Variants in TNFRSF1A observed in about 807,000 individuals in gnomAD.
The protein encoded by TNFRSF1A is tumor necrosis factor receptor superfamily member 1A.
Under a neutral mutation model 41.6 loss-of-function variants are expected in TNFRSF1A, and 9 were observed. The observed-to-expected ratio is 0.22, with a 90% CI of 0.13 to 0.38. The LOEUF (loss-of-function observed/expected upper bound fraction) is 0.38. Ranked by LOEUF, TNFRSF1A falls within the 10% of genes least tolerant of loss-of-function variation. TNFRSF1A has a pLI of 1.00. For synonymous variants in TNFRSF1A, 254 were observed against 248.6 expected, an observed-to-expected ratio of 1.02 and a Z score of -0.21; for missense variants, 463 against 591.5, an observed-to-expected ratio of 0.78 and a Z score of 2.25.
chr12:6,329,875 C>T lies in TNFRSF1A; in HGVS notation c.960G>A (p.Gly320=), dbSNP rs868081847. The change falls in exon 9 of 10, where the codon GGG becomes GGA. Residue 320 remains glycine (G), a synonymous_variant. Transcript: ENST00000162749. ...PRREVAPPYQ[G]ADPILATALA... ...GGGCTGTCGCAAGGATGGGGTCAGC[C>T]CCCTGATAGGGTGGTGCCACCTCTC... 7.5e-6 allele frequency: 12 copies of T among 1,592,328 alleles called. No individual in the cohort carries two copies. The highest frequency in any genetic ancestry group is 3.4e-4 in the Middle Eastern group (2 of 5,820).
chr12:6,333,144 T>C lies in TNFRSF1A; in HGVS notation c.476A>G (p.Gln159Arg). Reference protein sequence around the residue: ...CLNGTVHLSCQEKQNTVCTCH... With the variant: ...CLNGTVHLSCREKQNTVCTCH... ...GGTGCACACGGTGTTCTGTTTCTCC[T>C]GGCCTGTAGGGAGAAGTGCGGCACA... is the stretch of plus-strand genomic sequence containing the variant. Residue 159 changes from glutamine (Q) to arginine (R), a missense_variant, in exon 5 of 10, where the codon CAG (glutamine) becomes CGG (arginine). Physicochemically the swap from Gln to Arg is conservative, Grantham distance 43 (BLOSUM62 1). Around this residue, in one of 4 missense-constraint regions of TNFRSF1A, gnomAD observed 149 missense variants for 239.4 expected, o/e 0.62. Transcript: ENST00000162749. This position sits in a 1 kb window ranked among gnomAD's most constrained non-coding sequence, Gnocchi z 6.3. 1 of 1,614,134 alleles carries C rather than the reference T, an allele frequency of 6.2e-7. No individual in the cohort carries two copies. The highest frequency in any genetic ancestry group is 8.5e-7 in the Non-Finnish European group (1 of 1,179,948).
intron 1 of TNFRSF1A, among the ~76,000 whole-genome samples, chr12:6,336,707 C>T (rs1948124818): frequency 6.6e-6 from 1 of 151,996 alleles, no homozygotes; most frequent in Admixed American, 6.5e-5. Flanking sequence ...CTCCTAGCCC[C>T]TCAGCGGCCT....
chr12:6,342,069 G>C lies in TNFRSF1A; in HGVS notation c.-255C>G. ...AGAGGAGGGGAGAGAAGGTGGGAGG[G>C]GAAGAGTGAGGCAGTGTTGCAACAG... On this transcript the variant is annotated 5_prime_UTR_variant, in exon 1 of 10. Coordinates refer to ENST00000162749, the MANE Select transcript of TNFRSF1A (RefSeq NM_001065.4). 3.5e-6 allele frequency: 2 copies of C among 572,244 alleles called. No homozygotes were observed. The highest frequency in any genetic ancestry group is 6.0e-5 in the East Asian group (2 of 33,536). The allele number at this position is 572,244 out of a possible 1,614,324, so 35.4% of individuals were successfully genotyped here. A position where few individuals can be genotyped will look rare whatever the true frequency, so the allele number is the denominator to read the frequency against.
In TNFRSF1A at chr12:6,328,908, T is replaced by C. The variant is rs111722048; in HGVS notation, c.*404A>G. 48 of 187,918 alleles carry C rather than the reference T, an allele frequency of 2.6e-4. No individual in the cohort carries two copies. Among genetic ancestry groups the C allele is most frequent in the Non-Finnish European group, 4.7e-4 (43 of 92,310 alleles). 11.6% of individuals were successfully genotyped at this position (187,918 alleles called of 1,614,324 possible). Reference sequence around the variant, plus strand: ...AGGCAGAGGGCACAGGAGTGCCAAGTTTCTATTAGTGTAACATGATTGATT... The same window carrying C: ...AGGCAGAGGGCACAGGAGTGCCAAGCTTCTATTAGTGTAACATGATTGATT... On this transcript the variant is annotated 3_prime_UTR_variant, in exon 10 of 10. Coordinates refer to ENST00000162749, the MANE Select transcript of TNFRSF1A (RefSeq NM_001065.4).
At chr12:6,330,174 G>A in intron 8 of TNFRSF1A, 93 bp downstream of exon 8, 2 of 1,612,182 alleles carry the variant, frequency 1.2e-6, no homozygotes, top group Non-Finnish European at 8.5e-7. Flanking sequence ...CGAGCCCCCG[G>A]AAAGTGAAGG....
chr12:6,339,468 A>AC (rs976010795), intron 1 of TNFRSF1A, among the ~76,000 whole-genome samples: 5 of 152,230 alleles, frequency 3.3e-5, no homozygotes, highest in African/African-American at 4.8e-5. Context: ...AGTTGTAGGC[A>AC]CTGAGATCTA....
intron 1 of TNFRSF1A, among the ~76,000 whole-genome samples, chr12:6,340,038 G>C (rs1948173825): frequency 1.3e-5 from 2 of 152,096 alleles, no homozygotes; most frequent in African/African-American, 4.8e-5. Context: ...CCCTTTACCT[G>C]TTCAGGCTAC....
chr12:6,339,762 G>C (rs1008676230), intron 1 of TNFRSF1A, among the ~76,000 whole-genome samples: 1 of 151,582 alleles, frequency 6.6e-6, no homozygotes, highest in Non-Finnish European at 1.5e-5. Context: ...GCAAAATCCT[G>C]TTTGCTTTGC....
chr12:6,334,033 C>G lies in TNFRSF1A; in HGVS notation c.193+58G>C. 6.2e-7 allele frequency: 1 copy of G among 1,612,786 alleles called. No individual in the cohort carries two copies. Among genetic ancestry groups the G allele is most frequent in the Non-Finnish European group, 8.5e-7 (1 of 1,178,778 alleles). On this transcript the variant is annotated intron_variant, in intron 2 of 9. Transcript: ENST00000162749. This position sits in a 1 kb window ranked among gnomAD's most constrained non-coding sequence, Gnocchi z 5.1. ...GTTAGGGAAGAACAACTGGAAGAAG[C>G]AGAGAAAGAAGCAGCACCCCAGACC...
At position 6,341,023 on chromosome 12, in the gene TNFRSF1A, C is replaced by A. The variant is rs920226665; in HGVS notation, c.39+753G>T. On this transcript the variant is annotated intron_variant, in intron 1 of 9. Coordinates refer to ENST00000162749, the MANE Select transcript of TNFRSF1A (RefSeq NM_001065.4). The surrounding 1 kb of genome is among the most constrained non-coding windows in gnomAD (Gnocchi z 4.6). ...TGGAGGACAGGCCCAGGGACACTGACCAGGTGGGGGTAGGACTAGCTCCCT... is the reference window on the plus strand; with the variant it reads ...TGGAGGACAGGCCCAGGGACACTGAACAGGTGGGGGTAGGACTAGCTCCCT... 7.8e-4 allele frequency among the ~76,000 whole-genome samples: 119 copies of A among 152,288 alleles called. No homozygotes were observed. The highest frequency in any genetic ancestry group is 2.8e-3 in the African/African-American group (116 of 41,558).
rs564819281 is a variant in TNFRSF1A at position 6,337,357 on chromosome 12, C to A, written c.40-3113G>T. Among the ~76,000 whole-genome samples, 1 of 152,322 alleles carries A rather than the reference C, an allele frequency of 6.6e-6. No homozygotes were observed. Among genetic ancestry groups the A allele is most frequent in the African/African-American group, 2.4e-5 (1 of 41,570 alleles). On this transcript the variant is annotated intron_variant, in intron 1 of 9. Coordinates refer to ENST00000162749, the MANE Select transcript of TNFRSF1A (RefSeq NM_001065.4). This position sits in a 1 kb window ranked among gnomAD's most constrained non-coding sequence, Gnocchi z 4.6. ...GGTGGCCCAACACCCCTCCAACTCC[C>A]CCACAATTTCCGCCAGAGGAGGCTT...
intron 1 of TNFRSF1A, among the ~76,000 whole-genome samples, chr12:6,339,890 T>A (rs569310969): frequency 2.7e-5 from 4 of 150,712 alleles, no homozygotes; most frequent in Admixed American, 1.3e-4. Context: ...GAGCTCTGCA[T>A]TGCCCACTGA....
At chr12:6,330,802 A>C in intron 6 of TNFRSF1A, 51 bp downstream of exon 6, 1 of 1,594,390 alleles carries the variant, frequency 6.3e-7, no homozygotes. Context: ...GGGTGGGGGC[A>C]AGAAGAGGGA....
At chr12:6,332,918 G>A (rs1400724837) in intron 5 of TNFRSF1A, 151 bp downstream of exon 5, 14 of 697,936 alleles carry the variant, frequency 2.0e-5, no homozygotes, top group Admixed American at 4.2e-5. Flanking sequence ...AGGACTGCCT[G>A]GTGTCTTAAC....
chr12:6,338,043 T>G (rs1565469837), intron 1 of TNFRSF1A, among the ~76,000 whole-genome samples: 1 of 151,912 alleles, frequency 6.6e-6, no homozygotes, highest in Admixed American at 6.6e-5. Context: ...TACTTAAGAG[T>G]CTGGTGTGCT....
intron 1 of TNFRSF1A, among the ~76,000 whole-genome samples, chr12:6,338,349 A>ATC (rs1437769337): frequency 6.6e-6 from 1 of 151,874 alleles, no homozygotes; most frequent in Non-Finnish European, 1.5e-5. Flanking sequence ...TCCCCCTGTG[A>ATC]TCTCTCGGTC....
At chr12:6,332,182 C>A (rs4149587) in intron 5 of TNFRSF1A, among the ~76,000 whole-genome samples, 1 of 151,362 alleles carries the variant, frequency 6.6e-6, no homozygotes, top group Admixed American at 6.6e-5. Flanking sequence ...GGCTCATGCC[C>A]GTAATCCTAG....
Position 6,329,333 on chromosome 12 carries a change from G to C in TNFRSF1A, c.1347C>G (p.Pro449=), listed in dbSNP as rs766714842. 4 of 1,474,404 alleles carry C rather than the reference G, an allele frequency of 2.7e-6. No individual in the cohort carries two copies. Among genetic ancestry groups the C allele is most frequent in the East Asian group, 5.0e-5 (2 of 40,312 alleles). The allele number at this position is 1,474,404 out of a possible 1,614,324, so 91.3% of individuals were successfully genotyped here. The change falls in exon 10 of 10, where the codon CCC becomes CCG. Residue 449 remains proline, a synonymous_variant. Coordinates refer to ENST00000162749, the MANE Select transcript of TNFRSF1A (RefSeq NM_001065.4). The stretch of plus-strand genomic sequence containing the variant: ...AGCCTCATCTGAGAAGACTGGGCGC[G>C]GGCGGGAGGGCGGCGGGGCCGCAAA... ...EALCGPAALP[P]APSLLR is the part of the protein sequence containing the mutation.
In TNFRSF1A at chr12:6,329,632, C is replaced by G; in HGVS notation, c.1058-10G>C. 6.3e-7 allele frequency: 1 copy of G among 1,590,326 alleles called. No individual in the cohort carries two copies. The highest frequency in any genetic ancestry group is 8.5e-7 in the Non-Finnish European group (1 of 1,171,794). On this transcript the variant is annotated splice_polypyrimidine_tract_variant and intron_variant, in intron 9 of 9. Transcript: ENST00000162749. Reference sequence around the variant, plus strand: ...GTCGCGGGGTCATCAGCTGCGGGGACGCGGGCCGGTGAGCCTCGGGCGGCA... The same window carrying G: ...GTCGCGGGGTCATCAGCTGCGGGGAGGCGGGCCGGTGAGCCTCGGGCGGCA...
Sources: gnomAD v4.1 joint callset for allele counts (sites outside exome capture counted in the v4.1 genomes callset) on GRCh38, gnomAD v4.1.1 for gene constraint, gnomAD v4.1.1 regional missense constraint, Gnocchi (gnomAD v3.1) non-coding constraint, MANE v1.5 for transcripts, NCBI Gene and HGNC (gene_info 2026-07-23, HGNC 2026-07-21) for gene names.